Variants in KLHL40 observed in about 807,000 individuals in gnomAD.
The protein encoded by KLHL40 is kelch like family member 40, also known as kelch-like protein 40.
In KLHL40, 44 loss-of-function variants were observed where a neutral mutation model predicts 49.7. The ratio of observed to expected loss-of-function variants is 0.89; its 90% CI spans 0.70 to 1.14. The LOEUF (loss-of-function observed/expected upper bound fraction) is 1.14. Ranked by LOEUF, KLHL40 falls within the 50% of genes most tolerant of loss-of-function variation. KLHL40 has a pLI of 0.00. For missense variants in KLHL40, 892 were observed against 850.3 expected (o/e 1.05, Z -0.61); for synonymous variants, 409 against 365.2 (o/e 1.12, Z -1.37).
chr3:42,690,830 C>A, intron 4 of KLHL40, 29 bp from the exon 5 acceptor site: 2 of 1,561,092 alleles, frequency 1.3e-6, no homozygotes, highest in South Asian at 2.4e-5. Flanking sequence ...CGAGGCATCC[C>A]AATGATGCAC....
chr3:42,687,551 C>T (rs1383802739), intron 1 of KLHL40, among the ~76,000 whole-genome samples: 1 of 152,064 alleles, frequency 6.6e-6, no homozygotes, highest in Non-Finnish European at 1.5e-5. Context: ...TGTTTATTCT[C>T]TCTGGGCCTC....
chr3:42,688,541 G>T lies in KLHL40; in HGVS notation c.1314-69G>T. ...ATGTGTTAGGTGGATGGGCGGATGG[G>T]TGCAGAGACAGGGACTGAGCCGAGC... On this transcript the variant is annotated intron_variant, in intron 2 of 5. Transcript: ENST00000287777. The surrounding 1 kb of genome is among the most constrained non-coding windows in gnomAD (Gnocchi z 4.2). The T allele has an allele frequency of 8.4e-7, 1 of 1,196,792 alleles. No homozygotes were observed. The highest frequency in any genetic ancestry group is 2.4e-5 in the East Asian group (1 of 41,590). The allele number at this position is 1,196,792 out of a possible 1,614,324, so 74.1% of individuals were successfully genotyped here.
At position 42,685,828 on chromosome 3, in the gene KLHL40, C is replaced by G; in HGVS notation, c.210C>G (p.Gly70=). The part of the protein sequence containing the change: ...ARFLAEPERA[G]ELHLEEVSPD... ...TTCTAGCCGAGCCGGAGCGCGCGGGCGAGCTGCACCTGGAGGAGGTGTCCC... is the reference window on the plus strand; with the variant it reads ...TTCTAGCCGAGCCGGAGCGCGCGGGGGAGCTGCACCTGGAGGAGGTGTCCC... Residue 70 remains glycine (G), a synonymous_variant, in exon 1 of 6, where the codon GGC becomes GGG. Coordinates refer to ENST00000287777, the MANE Select transcript of KLHL40 (RefSeq NM_152393.4). 2.5e-6 allele frequency: 4 copies of G among 1,613,054 alleles called. No individual in the cohort carries two copies. Among genetic ancestry groups the G allele is most frequent in the Non-Finnish European group, 3.4e-6 (4 of 1,179,844 alleles).
At chr3:42,689,278 C>A (rs1016789546) in intron 4 of KLHL40, among the ~76,000 whole-genome samples, 1 of 152,090 alleles carries the variant, frequency 6.6e-6, no homozygotes, top group African/African-American at 2.4e-5. Context: ...GGAGGGGATG[C>A]CAGGTTCCTC....
Position 42,685,912 on chromosome 3 carries a change from G to C in KLHL40, c.294G>C (p.Glu98Asp). Residue 98 changes from glutamate (E) to aspartate (D), a missense_variant, in exon 1 of 6, where the codon GAG (glutamate) becomes GAC (aspartate). Physicochemically the swap from Glu to Asp is conservative, Grantham distance 45. Transcript: ENST00000287777. ...YLYTSEIALD[E>D]ASVQDLFAAA... ...ACACATCAGAGATCGCGCTGGATGA[G>C]GCGAGCGTGCAGGATTTGTTCGCCG... is the stretch of plus-strand genomic sequence containing the variant. 3.1e-6 allele frequency: 5 copies of C among 1,611,868 alleles called. No homozygotes were observed. Among genetic ancestry groups the C allele is most frequent in the Non-Finnish European group, 3.4e-6 (4 of 1,180,002 alleles).
intron 4 of KLHL40, 100 bp downstream of exon 4, chr3:42,689,154 G>A (rs1177216228): frequency 1.5e-5 from 15 of 1,016,272 alleles, no homozygotes; most frequent in Non-Finnish European, 2.0e-5. Flanking sequence ...CTCCAGTGTT[G>A]ACTTTGGACA....
rs762354612 is a variant in KLHL40 at position 42,688,114 on chromosome 3, G to T, written c.1153-28G>T. ...GGCTGAGGCTGGGGGAGTGGGGGGC[G>T]GTAGCTGACTGGACACCTGGCCTGC... On this transcript the variant is annotated intron_variant, in intron 1 of 5. Coordinates refer to ENST00000287777, the MANE Select transcript of KLHL40 (RefSeq NM_152393.4). The surrounding 1 kb of genome is among the most constrained non-coding windows in gnomAD (Gnocchi z 4.2). The T allele has an allele frequency of 2.5e-6, 4 of 1,613,408 alleles. No individual in the cohort carries two copies. In the East Asian group the frequency reaches 8.9e-5, roughly 36 times the overall value.
chr3:42,688,201 C>T lies in KLHL40; in HGVS notation c.1212C>T (p.Leu404=). 1 of 1,613,902 alleles carries T rather than the reference C, an allele frequency of 6.2e-7. No homozygotes were observed. The highest frequency in any genetic ancestry group is 8.5e-7 in the Non-Finnish European group (1 of 1,179,994). Reference sequence around the variant, plus strand: ...CACCGCTGCCCTCGCCCCGCTGCCTCTTTGGCCTGGGAGAAGCTCTCAACT... The same window carrying T: ...CACCGCTGCCCTCGCCCCGCTGCCTTTTTGGCCTGGGAGAAGCTCTCAACT... The part of the protein sequence containing the change: ...GMPPLPSPRC[L]FGLGEALNSI... Residue 404 remains leucine (L), a synonymous_variant, in exon 2 of 6, where the codon CTC becomes CTT. Transcript: ENST00000287777. The surrounding 1 kb of genome is among the most constrained non-coding windows in gnomAD (Gnocchi z 4.2).
At chr3:42,687,228 G>C (rs553814818) in intron 1 of KLHL40, among the ~76,000 whole-genome samples, 1 of 152,372 alleles carries the variant, frequency 6.6e-6, no homozygotes, top group South Asian at 2.1e-4. Context: ...GGAGTGCCAG[G>C]TCTGAGTTGG....
In KLHL40 at chr3:42,692,268, G is replaced by T. The variant is rs1173301529; in HGVS notation, c.*275G>T. The stretch of plus-strand genomic sequence containing the variant: ...GAACCACAGGGCGGTATCCCAGGCC[G>T]TGTGCTGGCCCTGCCCCAGCCTAGC... On this transcript the variant is annotated 3_prime_UTR_variant, in exon 6 of 6. Transcript: ENST00000287777. 2.0e-6 allele frequency: 1 copy of T among 490,670 alleles called. No homozygotes were observed. The highest frequency in any genetic ancestry group is 3.3e-5 in the Admixed American group (1 of 30,566). The allele number at this position is 490,670 out of a possible 1,614,324, so 30.4% of individuals were successfully genotyped here.
chr3:42,689,192 G>A, intron 4 of KLHL40, 138 bp downstream of exon 4: 1 of 765,962 alleles, frequency 1.3e-6, no homozygotes, highest in Non-Finnish European at 2.1e-6. Flanking sequence ...TTTCTCTCCT[G>A]ATCAGCAGTG....
At position 42,686,239 on chromosome 3, in the gene KLHL40, C is replaced by T. The variant is rs761540320; in HGVS notation, c.621C>T (p.Ala207=). The T allele has an allele frequency of 1.3e-6, 2 of 1,553,544 alleles. No homozygotes were observed. Among genetic ancestry groups the T allele is most frequent in the African/African-American group, 1.4e-5 (1 of 73,670 alleles). ...TGCGGTGGGCGGGTAGCGGCGACGC[C>T]GAGGCGCAGGCTGAGCGCCAGCGCG... The part of the protein sequence containing the change: ...AVMRWAGSGD[A]EAQAERQRAL... The change falls in exon 1 of 6, where the codon GCC becomes GCT. Residue 207 remains alanine, a synonymous_variant. Coordinates refer to ENST00000287777, the MANE Select transcript of KLHL40 (RefSeq NM_152393.4).
chr3:42,686,002 G>GTGCC lies in KLHL40; in HGVS notation c.386_389dup (p.Ser131ProfsTer39). On this transcript the variant is annotated frameshift_variant, in exon 1 of 6. Coordinates refer to ENST00000287777, the MANE Select transcript of KLHL40 (RefSeq NM_152393.4). LOFTEE classifies it high-confidence loss of function. ...GCGTGTCCTTCCTGCAGAAGCGCCT[G>GTGCC]TGCCTCTCCAACTGCTTGGCCGTCT... The GTGCC allele has an allele frequency of 6.2e-7, 1 of 1,611,276 alleles. No individual in the cohort carries two copies. The highest frequency in any genetic ancestry group is 8.5e-7 in the Non-Finnish European group (1 of 1,179,962).
chr3:42,688,606 C>T lies in KLHL40; in HGVS notation c.1314-4C>T. ...TCCCCCACCCCCACTCCCGTCTCCT[C>T]CAGGTCATTCAAATGGGGTGAATCG... On this transcript the variant is annotated splice_polypyrimidine_tract_variant and splice_region_variant and intron_variant, in intron 2 of 5. Coordinates refer to ENST00000287777, the MANE Select transcript of KLHL40 (RefSeq NM_152393.4). The surrounding 1 kb of genome is among the most constrained non-coding windows in gnomAD (Gnocchi z 4.2). 6.2e-7 allele frequency: 1 copy of T among 1,611,924 alleles called. No individual in the cohort carries two copies. Among genetic ancestry groups the T allele is most frequent in the African/African-American group, 1.3e-5 (1 of 74,992 alleles).
At position 42,691,905 on chromosome 3, in the gene KLHL40, G is replaced by A; in HGVS notation, c.1778G>A (p.Trp593Ter). 1.2e-6 allele frequency: 2 copies of A among 1,612,836 alleles called. No homozygotes were observed. The highest frequency in any genetic ancestry group is 8.5e-7 in the Non-Finnish European group (1 of 1,178,818). The change falls in exon 6 of 6, where the codon TGG (tryptophan) becomes TAG (stop). Residue 593 changes from tryptophan to a stop codon, truncating the protein, a stop_gained. Coordinates refer to ENST00000287777, the MANE Select transcript of KLHL40 (RefSeq NM_152393.4). LOFTEE classifies it high-confidence loss of function. ...IWRYNEEEKK[W>*]EGVLREIAYA... is the part of the protein sequence containing the mutation. ...AGGTATAACGAGGAGGAGAAGAAATGGGAGGGTGTCCTGCGGGAGATCGCC... is the reference window on the plus strand; with the variant it reads ...AGGTATAACGAGGAGGAGAAGAAATAGGAGGGTGTCCTGCGGGAGATCGCC...
intron 1 of KLHL40, among the ~76,000 whole-genome samples, chr3:42,687,362 A>G (rs1697289431): frequency 6.6e-6 from 1 of 152,148 alleles, no homozygotes; most frequent in South Asian, 2.1e-4. Context: ...TTTCCGGCCA[A>G]GGAACGGTAA....
At position 42,691,764 on chromosome 3, in the gene KLHL40, G is replaced by A. The variant is rs1409846405; in HGVS notation, c.1755-118G>A. On this transcript the variant is annotated intron_variant, in intron 5 of 5. Transcript: ENST00000287777. ...CTTTCCCAGAGCCTGGGGATTTTCA[G>A]GAGCAGATCTCCCTAGAGATGGGCC... is the stretch of plus-strand genomic sequence containing the variant. 3 of 677,214 alleles carry A rather than the reference G, an allele frequency of 4.4e-6. No individual in the cohort carries two copies. In the Admixed American group the frequency reaches 6.5e-5, roughly 15 times the overall value. The allele number at this position is 677,214 out of a possible 1,614,324, so 42.0% of individuals were successfully genotyped here.
At position 42,688,786 on chromosome 3, in the gene KLHL40, C is replaced by T. The variant is rs1021176479; in HGVS notation, c.1421+69C>T. On this transcript the variant is annotated intron_variant, in intron 3 of 5. Transcript: ENST00000287777. This position sits in a 1 kb window ranked among gnomAD's most constrained non-coding sequence, Gnocchi z 4.2. The stretch of plus-strand genomic sequence containing the variant: ...CTCCCAGAGGCTGTCAGGGGTTTGT[C>T]CTGGCTGCCCCGGCAGGTGATTGCA... 20 of 1,585,304 alleles carry T rather than the reference C, an allele frequency of 1.3e-5. No homozygotes were observed. The highest frequency in any genetic ancestry group is 1.7e-5 in the Non-Finnish European group (20 of 1,154,176).
chr3:42,688,755 T>A lies in KLHL40; in HGVS notation c.1421+38T>A. On this transcript the variant is annotated intron_variant, in intron 3 of 5. Coordinates refer to ENST00000287777, the MANE Select transcript of KLHL40 (RefSeq NM_152393.4). This position sits in a 1 kb window ranked among gnomAD's most constrained non-coding sequence, Gnocchi z 4.2. ...CTGGAGTGAGTCTGTGGAGCAGAGGTAGAATCTCCCAGAGGCTGTCAGGGG... is the reference window on the plus strand; with the variant it reads ...CTGGAGTGAGTCTGTGGAGCAGAGGAAGAATCTCCCAGAGGCTGTCAGGGG... The A allele has an allele frequency of 6.3e-7, 1 of 1,592,564 alleles. No individual in the cohort carries two copies. Among genetic ancestry groups the A allele is most frequent in the Non-Finnish European group, 8.6e-7 (1 of 1,160,772 alleles).
Sources: gnomAD v4.1 joint callset for allele counts (sites outside exome capture counted in the v4.1 genomes callset) on GRCh38, gnomAD v4.1.1 for gene constraint, Gnocchi (gnomAD v3.1) non-coding constraint, MANE v1.5 for transcripts, NCBI Gene and HGNC (gene_info 2026-07-23, HGNC 2026-07-21) for gene names.